ATP6V1D: variants seen among roughly 807,000 people sequenced by gnomAD.
The protein encoded by ATP6V1D is ATPase H+ transporting V1 subunit D.
Under a neutral mutation model 39.4 loss-of-function variants are expected in ATP6V1D, and 20 were observed. The ratio of observed to expected loss-of-function variants is 0.51; its 90% CI spans 0.36 to 0.74. The LOEUF is 0.74. ATP6V1D is among the 30% of genes least tolerant of loss of function. The pLI, the probability that ATP6V1D is intolerant of heterozygous loss-of-function variation, is 0.00. For missense variants in ATP6V1D, 228 were observed against 291.6 expected, an observed-to-expected ratio of 0.78 and a Z score of 1.59; for synonymous variants, 100 against 100.5, an observed-to-expected ratio of 0.99 and a Z score of 0.03.
At position 67,340,497 on chromosome 14, in the gene ATP6V1D, C is replaced by A. The variant is rs780067544; in HGVS notation, c.545G>T (p.Arg182Leu). ...CTCTGTGATGATATAAGCAAGAGTA[C>A]GTTCAATCCGGGGAATGATGACTAG... ...IEHVIIPRIE[R>L]TLAYIITELD... Residue 182 changes from arginine to leucine, a missense_variant, in exon 8 of 9, where the codon CGT becomes CTT. By Grantham distance (102) the Arg-to-Leu change is moderately radical. This residue lies in a region of ATP6V1D where 114 missense variants were observed against 128.3 expected (regional missense o/e 0.89). Coordinates refer to ENST00000216442, the MANE Select transcript of ATP6V1D (RefSeq NM_015994.4). The A allele has an allele frequency of 1.9e-6, 3 of 1,611,202 alleles. No individual in the cohort carries two copies. The highest frequency in any genetic ancestry group is 1.4e-5 in the African/African-American group (1 of 73,652).
intron 6 of ATP6V1D, among the ~76,000 whole-genome samples, chr14:67,344,909 AAAAC>A (rs2085609937): frequency 1.3e-5 from 2 of 151,214 alleles, no homozygotes; most frequent in African/African-American, 4.9e-5. Context: ...ACAAACAAAA[AAAAC>A]AAGAGTGTAC....
intron 7 of ATP6V1D, among the ~76,000 whole-genome samples, chr14:67,341,196 T>C (rs1195129428): frequency 6.6e-6 from 1 of 151,958 alleles, no homozygotes; most frequent in Non-Finnish European, 1.5e-5. Context: ...GAGGAGCGTC[T>C]GTGACTGGCC....
At position 67,350,667 on chromosome 14, in the gene ATP6V1D, C is replaced by T; in HGVS notation, c.183G>A (p.Val61=). The T allele has an allele frequency of 6.2e-7, 1 of 1,613,498 alleles. No individual in the cohort carries two copies. The highest frequency in any genetic ancestry group is 1.1e-5 in the South Asian group (1 of 91,000). The change falls in exon 3 of 9, where the codon GTG becomes GTA. Residue 61 remains valine, a synonymous_variant. Transcript: ENST00000216442. Reference sequence around the variant, plus strand: ...CTAGTGAAAAGGCAGCTTCTCTCATCACTTCGCCCATCAACATTTTAGTCT... The same window carrying T: ...CTAGTGAAAAGGCAGCTTCTCTCATTACTTCGCCCATCAACATTTTAGTCT... The part of the protein sequence containing the change: ...IIETKMLMGE[V]MREAAFSLAE...
At chr14:67,344,884 G>GA (rs1343142644) in intron 6 of ATP6V1D, among the ~76,000 whole-genome samples, 11 of 145,274 alleles carry the variant, frequency 7.6e-5, no homozygotes, top group Non-Finnish European at 1.4e-4. Flanking sequence ...CTGTCTCAAA[G>GA]AAAAAAACAA....
intron 4 of ATP6V1D, among the ~76,000 whole-genome samples, chr14:67,347,928 T>G (rs2085631460): frequency 6.8e-6 from 1 of 146,900 alleles, no homozygotes; most frequent in South Asian, 2.2e-4. Context: ...TTTTTTTTTT[T>G]TGAGACAGAG....
At position 67,353,021 on chromosome 14, in the gene ATP6V1D, C is replaced by G. The variant is rs373531466; in HGVS notation, c.61G>C (p.Ala21Pro). The change falls in exon 2 of 9, where the codon GCT (alanine) becomes CCT (proline). Residue 21 changes from alanine (A) to proline (P), a missense_variant. Transcript: ENST00000216442. Reference sequence around the variant, plus strand: ...CCTGTCTGTGCTCCCTTTAAACGAGCCTTCATGATGGTCTGTGCCCTATAT... The same window carrying G: ...CCTGTCTGTGCTCCCTTTAAACGAGGCTTCATGATGGTCTGTGCCCTATAT... ...PSRMAQTIMK[A>P]RLKGAQTGRN... 2 of 1,613,564 alleles carry G rather than the reference C, an allele frequency of 1.2e-6. No homozygotes were observed. The highest frequency in any genetic ancestry group is 2.2e-5 in the East Asian group (1 of 44,866).
At chr14:67,355,482 A>G (rs143895493) in intron 1 of ATP6V1D, among the ~76,000 whole-genome samples, 1,366 of 127,882 alleles carry the variant, frequency 0.011, 19 homozygotes, top group Middle Eastern at 0.025. Flanking sequence ...AAAAAAAAAG[A>G]CTAGAAATAA....
intron 2 of ATP6V1D, 72 bp downstream of exon 2, chr14:67,352,847 CAACA>C (rs1240821527): frequency 7.3e-6 from 6 of 822,676 alleles, no homozygotes; most frequent in African/African-American, 5.1e-5. Context: ...AAAATAACAA[CAACA>C]AAAAAAAAAA....
intron 7 of ATP6V1D, among the ~76,000 whole-genome samples, chr14:67,340,919 G>A (rs559433584): frequency 1.2e-4 from 18 of 152,382 alleles, no homozygotes; most frequent in South Asian, 4.1e-4. Context: ...CGAGTGATCC[G>A]CCAGCCTCGG....
chr14:67,351,599 C>A (rs2085653855), intron 2 of ATP6V1D, among the ~76,000 whole-genome samples: 1 of 152,170 alleles, frequency 6.6e-6, no homozygotes, highest in Non-Finnish European at 1.5e-5. Context: ...GCTTCAAACT[C>A]ATAGGCTCAG....
intron 2 of ATP6V1D, among the ~76,000 whole-genome samples, chr14:67,351,480 T>C (rs1403727038): frequency 6.6e-6 from 1 of 152,232 alleles, no homozygotes; most frequent in Non-Finnish European, 1.5e-5. Flanking sequence ...ACCAACAGAT[T>C]TGACCAAAGG....
intron 6 of ATP6V1D, among the ~76,000 whole-genome samples, chr14:67,344,200 C>T (rs2085605028): frequency 6.6e-6 from 1 of 152,174 alleles, no homozygotes; most frequent in South Asian, 2.1e-4. Context: ...GTATTGTACT[C>T]GCCAATGAAA....
chr14:67,341,561 T>TG (rs963883332), intron 7 of ATP6V1D, among the ~76,000 whole-genome samples: 13 of 135,660 alleles, frequency 9.6e-5, no homozygotes, highest in Middle Eastern at 5.0e-3. Flanking sequence ...GGGAGGGAGG[T>TG]GGGGGGGTCA....
At chr14:67,353,988 G>A (rs1433562925) in intron 1 of ATP6V1D, 3 of 149,246 alleles carry the variant, frequency 2.0e-5, no homozygotes, top group Non-Finnish European at 4.4e-5. Flanking sequence ...AGGCATGTTC[G>A]ACCCTTTCTT....
At chr14:67,352,850 CAAAA>C in intron 2 of ATP6V1D, 69 bp downstream of exon 2, 1 of 715,986 alleles carries the variant, frequency 1.4e-6, no homozygotes, top group Non-Finnish European at 2.1e-6. Context: ...ATAACAACAA[CAAAA>C]AAAAAAATGC....
In ATP6V1D at chr14:67,347,694, T is replaced by C. The variant is rs145322217; in HGVS notation, c.308-241A>G. ...TTTGTATTTTTAGTAGACACGGGGT[T>C]TCTCCATGTTGGTAAGGTTGGTCTT... is the stretch of plus-strand genomic sequence containing the variant. On this transcript the variant is annotated intron_variant, in intron 4 of 8. Transcript: ENST00000216442. 4.0e-3 allele frequency among the ~76,000 whole-genome samples: 603 copies of C among 152,024 alleles called. 18 individuals carry two copies. The East Asian group carries it at 0.059, about 15-fold the overall frequency.
intron 2 of ATP6V1D, among the ~76,000 whole-genome samples, chr14:67,352,375 G>A (rs2085660131): frequency 6.6e-6 from 1 of 151,482 alleles, no homozygotes; most frequent in South Asian, 2.1e-4. Context: ...AGAGGCTGAG[G>A]TGGGAGGATC....
rs1278068027 is a variant in ATP6V1D, at chr14:67,349,058, C to T, written c.286G>A (p.Ala96Thr). ...NVNKAQVKIR[A>T]KKDNVAGVTL... ...TTACCTGCTACATTATCTTTCTTCG[C>T]TCGAATCTTCACTTGCGCTTTATTG... Residue 96 changes from alanine (A) to threonine (T), a missense_variant, in exon 4 of 9, where the codon GCG (alanine) becomes ACG (threonine). Physicochemically the swap from Ala to Thr is moderately conservative, Grantham distance 58. Around this residue, in one of 3 missense-constraint regions of ATP6V1D, gnomAD observed 104 missense variants for 120.2 expected, o/e 0.87. Transcript: ENST00000216442. 2.5e-6 allele frequency: 4 copies of T among 1,614,108 alleles called. No homozygotes were observed. The Admixed American group carries it at 5.0e-5, about 20-fold the overall frequency.
intron 6 of ATP6V1D, among the ~76,000 whole-genome samples, chr14:67,344,264 C>T (rs1268307384): frequency 6.6e-6 from 1 of 152,194 alleles, no homozygotes; most frequent in African/African-American, 2.4e-5. Context: ...CCCATAAAAG[C>T]CTTCCAACTT....
Sources: gnomAD v4.1 joint callset for allele counts (sites outside exome capture counted in the v4.1 genomes callset) on GRCh38, gnomAD v4.1.1 for gene constraint, gnomAD v4.1.1 regional missense constraint, MANE v1.5 for transcripts, NCBI Gene and HGNC (gene_info 2026-07-23, HGNC 2026-07-21) for gene names.